The following SLC7A1 variants were observed in gnomAD, a reference collection of about 807,000 sequenced individuals.
The protein encoded by SLC7A1 is high affinity cationic amino acid transporter 1.
In SLC7A1, 10 loss-of-function variants were observed where a neutral mutation model predicts 53.9. The ratio of observed to expected loss-of-function variants is 0.19; its 90% CI spans 0.11 to 0.31. SLC7A1 has a LOEUF of 0.31. SLC7A1 is among the 10% of genes least tolerant of loss of function. SLC7A1 has a pLI of 1.00. For missense variants in SLC7A1, 525 were observed against 827.2 expected, an observed-to-expected ratio of 0.63 and a Z score of 4.48; for synonymous variants, 342 against 338.7, an observed-to-expected ratio of 1.01 and a Z score of -0.11.
chr13:29,547,720 A>G (rs1869983846), intron 2 of SLC7A1, among the ~76,000 whole-genome samples: 2 of 152,372 alleles, frequency 1.3e-5, no homozygotes, highest in African/African-American at 4.8e-5. Flanking sequence ...GGAAGGCATG[A>G]GGGTCCCAGG....
Position 29,510,407 on chromosome 13 carries a change from C to A in SLC7A1, c.*4073G>T, listed in dbSNP as rs1883355335. 6.6e-6 allele frequency: 1 copy of A among 152,594 alleles called. No individual in the cohort carries two copies. Among genetic ancestry groups the A allele is most frequent in the African/African-American group, 2.4e-5 (1 of 41,456 alleles). The allele number at this position is 152,594 out of a possible 1,614,324, so 9.5% of individuals were successfully genotyped here. A position where few individuals can be genotyped will look rare whatever the true frequency, so the allele number is the denominator to read the frequency against. The stretch of plus-strand genomic sequence containing the variant: ...CCACTGGATCAACAGTAATCAATTT[C>A]ATGACTCGGATAAGGTCCCCAGGAG... On this transcript the variant is annotated 3_prime_UTR_variant, in exon 13 of 13. Transcript: ENST00000380752.
At chr13:29,593,929 A>T (rs544462417) in intron 1 of SLC7A1, among the ~76,000 whole-genome samples, 7 of 152,380 alleles carry the variant, frequency 4.6e-5, no homozygotes, top group African/African-American at 1.4e-4. Context: ...ATAATTAAAC[A>T]TGATCGTAAT....
chr13:29,533,020 C>T (rs9579390), intron 3 of SLC7A1, 38 bp from the exon 4 acceptor site: 132,818 of 1,573,794 alleles, frequency 0.084, 6,238 homozygotes, highest in Middle Eastern at 0.13. Flanking sequence ...GATGTGAGGA[C>T]AACTGTTAGC....
Position 29,511,680 on chromosome 13 carries a change from G to C in SLC7A1, c.*2800C>G, listed in dbSNP as rs1160235081. ...TCAGCAGAGGTCCTGAGGCAGGGGG[G>C]TGGAGATCTGCTGGGTTTGCTGCTT... On this transcript the variant is annotated 3_prime_UTR_variant, in exon 13 of 13. Coordinates refer to ENST00000380752, the MANE Select transcript of SLC7A1 (RefSeq NM_003045.5). 1 of 152,218 alleles carries C rather than the reference G, an allele frequency of 6.6e-6. No individual in the cohort carries two copies. Among genetic ancestry groups the C allele is most frequent in the Non-Finnish European group, 1.5e-5 (1 of 68,058 alleles). The allele number at this position is 152,218 out of a possible 1,614,324, so 9.4% of individuals were successfully genotyped here.
At chr13:29,591,269 G>C (rs1477653464) in intron 1 of SLC7A1, among the ~76,000 whole-genome samples, 1 of 152,158 alleles carries the variant, frequency 6.6e-6, no homozygotes, top group African/African-American at 2.4e-5. Flanking sequence ...GTCCTATAAA[G>C]TAGGCACTAG....
In SLC7A1 at chr13:29,510,529, TTATACA is replaced by T. The variant is rs751362453; in HGVS notation, c.*3945_*3950del. ...ATATATTTTAAATTACACGTAACAA[TTATACA>T]TAGTGTATATCCAGATCCGTCTGCA... On this transcript the variant is annotated 3_prime_UTR_variant, in exon 13 of 13. Coordinates refer to ENST00000380752, the MANE Select transcript of SLC7A1 (RefSeq NM_003045.5). 2.6e-5 allele frequency: 4 copies of T among 152,200 alleles called. No individual in the cohort carries two copies. The highest frequency in any genetic ancestry group is 5.9e-5 in the Non-Finnish European group (4 of 68,024). 9.4% of individuals were successfully genotyped at this position (152,200 alleles called of 1,614,324 possible). A position where few individuals can be genotyped will look rare whatever the true frequency, so the allele number is the denominator to read the frequency against.
intron 1 of SLC7A1, among the ~76,000 whole-genome samples, chr13:29,554,788 ATCTTATTCT>A (rs1870357195): frequency 6.6e-6 from 1 of 152,228 alleles, no homozygotes; most frequent in South Asian, 2.1e-4. Flanking sequence ...CACAATTGGA[ATCTTATTCT>A]ATTCCCACCT....
In SLC7A1 at chr13:29,519,540, G is replaced by A; in HGVS notation, c.1199C>T (p.Ala400Val). 1 of 1,607,562 alleles carries A rather than the reference G, an allele frequency of 6.2e-7. No individual in the cohort carries two copies. The highest frequency in any genetic ancestry group is 8.5e-7 in the Non-Finnish European group (1 of 1,174,538). Residue 400 changes from alanine to valine, a missense_variant, in exon 9 of 13, where the codon GCC becomes GTC. Physicochemically the swap from Ala to Val is moderately conservative, Grantham distance 64. Coordinates refer to ENST00000380752, the MANE Select transcript of SLC7A1 (RefSeq NM_003045.5). ...LASGAVAAVM[A>V]FLFDLKDLVD... is the part of the protein sequence containing the mutation. ...CAAGTCCTTCAGGTCAAAGAGGAAG[G>A]CCATCACAGCTGGGAAGAGACAGAC...
At chr13:29,564,094 A>G (rs1870873077) in intron 1 of SLC7A1, among the ~76,000 whole-genome samples, 1 of 152,202 alleles carries the variant, frequency 6.6e-6, no homozygotes, top group African/African-American at 2.4e-5. Flanking sequence ...GTGGGGAGAA[A>G]GAGGAAGGGA....
chr13:29,583,997 T>G (rs1871766288), intron 1 of SLC7A1, among the ~76,000 whole-genome samples: 1 of 152,236 alleles, frequency 6.6e-6, no homozygotes, highest in Admixed American at 6.5e-5. Context: ...TGTGGTACAC[T>G]TGCAATAACA....
intron 1 of SLC7A1, among the ~76,000 whole-genome samples, chr13:29,592,570 A>G (rs1350271187): frequency 2.0e-5 from 3 of 152,198 alleles, no homozygotes; most frequent in Non-Finnish European, 4.4e-5. Context: ...GCCTGGATTG[A>G]CAGATCATGA....
At chr13:29,535,103 T>G (rs996837105) in intron 3 of SLC7A1, among the ~76,000 whole-genome samples, 1 of 152,220 alleles carries the variant, frequency 6.6e-6, no homozygotes, top group Admixed American at 6.5e-5. Flanking sequence ...GCAGACCCAC[T>G]GACAGCCATT....
chr13:29,517,887 G>C, intron 9 of SLC7A1, 97 bp from the exon 10 acceptor site: 3 of 872,512 alleles, frequency 3.4e-6, no homozygotes, highest in Non-Finnish European at 5.7e-6. Context: ...TGAGCTGCCC[G>C]GGACACAAGG....
intron 5 of SLC7A1, among the ~76,000 whole-genome samples, 155 bp downstream of exon 5, chr13:29,530,383 C>A (rs187838536): frequency 6.6e-6 from 1 of 152,276 alleles, no homozygotes; most frequent in East Asian, 1.9e-4. Flanking sequence ...ACAAAATACC[C>A]TCAGCTACTT....
chr13:29,584,119 CTTTTTTT>C (rs71192612), intron 1 of SLC7A1, among the ~76,000 whole-genome samples: 1 of 147,118 alleles, frequency 6.8e-6, no homozygotes, highest in Non-Finnish European at 1.5e-5. Context: ...CTTTTTTTTT[CTTTTTTT>C]TTTTTGAGAC....
In SLC7A1 at chr13:29,523,359, T is replaced by C. The variant is rs1446412957; in HGVS notation, c.956A>G (p.Asn319Ser). The C allele has an allele frequency of 1.2e-6, 2 of 1,613,690 alleles. No homozygotes were observed. Among genetic ancestry groups the C allele is most frequent in the Admixed American group, 1.7e-5 (1 of 59,996 alleles). ...TLMMPYFCLD[N>S]NSPLPDAFKH... Reference sequence around the variant, plus strand: ...AAAGGCGTCGGGCAGGGGGCTGTTATTGTCCAGGCAGAAGTAGGGCATCAT... The same window carrying C: ...AAAGGCGTCGGGCAGGGGGCTGTTACTGTCCAGGCAGAAGTAGGGCATCAT... The change falls in exon 7 of 13, where the codon AAT becomes AGT. Residue 319 changes from asparagine to serine, a missense_variant. Physicochemically the swap from Asn to Ser is conservative, Grantham distance 46. This residue lies in a region of SLC7A1 where 354 missense variants were observed against 587.5 expected (regional missense o/e 0.60). Transcript: ENST00000380752.
At chr13:29,529,854 CTGTT>C (rs1264213567) in intron 5 of SLC7A1, among the ~76,000 whole-genome samples, 2 of 152,118 alleles carry the variant, frequency 1.3e-5, no homozygotes, top group Non-Finnish European at 2.9e-5. Context: ...AAAGATATGA[CTGTT>C]TGGCTTTTTT....
At chr13:29,561,481 A>G (rs1302388219) in intron 1 of SLC7A1, among the ~76,000 whole-genome samples, 1 of 152,200 alleles carries the variant, frequency 6.6e-6, no homozygotes, top group East Asian at 1.9e-4. Flanking sequence ...CCGAGGGGAT[A>G]TGTCGGGGGT....
Position 29,509,907 on chromosome 13 carries a change from C to T in SLC7A1, c.*4573G>A, listed in dbSNP as rs149835487. The T allele has an allele frequency of 1.3e-5, 2 of 152,710 alleles. No homozygotes were observed. Among genetic ancestry groups the T allele is most frequent in the East Asian group, 3.9e-4 (2 of 5,186 alleles). 9.5% of individuals were successfully genotyped at this position (152,710 alleles called of 1,614,324 possible). A position where few individuals can be genotyped will look rare whatever the true frequency, so the allele number is the denominator to read the frequency against. The stretch of plus-strand genomic sequence containing the variant: ...AACTCATTGAAGCTGAAAGGCACAA[C>T]TTAAGCAGGAAACTTATCATCTTAA... On this transcript the variant is annotated 3_prime_UTR_variant, in exon 13 of 13. Transcript: ENST00000380752.
Sources: gnomAD v4.1 joint callset for allele counts (sites outside exome capture counted in the v4.1 genomes callset) on GRCh38, gnomAD v4.1.1 for gene constraint, gnomAD v4.1.1 regional missense constraint, MANE v1.5 for transcripts, NCBI Gene and HGNC (gene_info 2026-07-23, HGNC 2026-07-21) for gene names.